C1orf21: variants seen among roughly 807,000 people sequenced by gnomAD.
C1orf21 encodes chromosome 1 open reading frame 21.
C1orf21 carries 3 observed loss-of-function variants against 18.7 expected under a neutral mutation model. The observed-to-expected ratio is 0.16, with a 90% CI of 0.07 to 0.42. The LOEUF (loss-of-function observed/expected upper bound fraction) is 0.42, where lower values mean the gene tolerates loss of function less well. Ranked by LOEUF, C1orf21 falls within the 10% of genes least tolerant of loss-of-function variation. The pLI, the probability that C1orf21 is intolerant of heterozygous loss-of-function variation, is 0.99. For missense variants in C1orf21, 104 were observed against 143.6 expected (o/e 0.72, Z 1.41); for synonymous variants, 41 against 46.4 (o/e 0.88, Z 0.47).
intron 2 of C1orf21, among the ~76,000 whole-genome samples, chr1:184,496,155 G>A (rs560071771): frequency 6.6e-6 from 1 of 152,200 alleles, no homozygotes; most frequent in South Asian, 2.1e-4. Context: ...GTAAGCCAAG[G>A]CCAGGTCTAC....
intron 3 of C1orf21, among the ~76,000 whole-genome samples, chr1:184,525,799 A>T (rs922294424): frequency 6.6e-6 from 1 of 152,210 alleles, no homozygotes; most frequent in African/African-American, 2.4e-5. Context: ...TTTCTGCCAG[A>T]TCAAAAGCCT....
chr1:184,398,198 A>G (rs1656092910), intron 1 of C1orf21, among the ~76,000 whole-genome samples: 1 of 152,204 alleles, frequency 6.6e-6, no homozygotes, highest in Non-Finnish European at 1.5e-5. Context: ...GTACTGAGTG[A>G]TGACTCTGTG....
At chr1:184,545,803 C>T (rs933057070) in intron 3 of C1orf21, 4 of 152,186 alleles carry the variant, frequency 2.6e-5, no homozygotes, top group Non-Finnish European at 5.9e-5. Context: ...TTTTGTCTCA[C>T]TTAGGTTCCC....
intron 1 of C1orf21, among the ~76,000 whole-genome samples, chr1:184,388,641 T>G (rs962927897): frequency 1.3e-5 from 2 of 151,734 alleles, no homozygotes; most frequent in African/African-American, 2.4e-5. Context: ...TTTTTTTTTT[T>G]GTAGGAGACT....
At chr1:184,409,731 G>T (rs948691234) in intron 1 of C1orf21, among the ~76,000 whole-genome samples, 2 of 152,148 alleles carry the variant, frequency 1.3e-5, no homozygotes, top group African/African-American at 2.4e-5. Context: ...TGACTCCAGG[G>T]GCTCTGGGTA....
Position 184,500,898 on chromosome 1 carries a change from C to T in C1orf21, c.95-6690C>T, listed in dbSNP as rs181282339. On this transcript the variant is annotated intron_variant, in intron 2 of 5. Transcript: ENST00000235307. ...ATGTTGCATCTTAAGCCTCATACCC[C>T]CAGCCCCCCGGCAGCTGACCCTTCT... is the stretch of plus-strand genomic sequence containing the variant. 1.5e-3 allele frequency among the ~76,000 whole-genome samples: 233 copies of T among 152,232 alleles called. 1 individual carries two copies. Among genetic ancestry groups the T allele is most frequent in the Middle Eastern group, 6.8e-3 (2 of 294 alleles).
intron 3 of C1orf21, among the ~76,000 whole-genome samples, chr1:184,556,031 C>T (rs1264815768): frequency 6.6e-6 from 1 of 152,024 alleles, no homozygotes; most frequent in Non-Finnish European, 1.5e-5. Context: ...TAAGAAATGT[C>T]CTAATAGGTA....
intron 1 of C1orf21, among the ~76,000 whole-genome samples, chr1:184,403,592 A>G (rs571996973): frequency 6.6e-6 from 1 of 152,364 alleles, no homozygotes; most frequent in East Asian, 1.9e-4. Context: ...ATTAAATTAT[A>G]CATGTATTAT....
At chr1:184,488,951 C>T (rs1047748458) in intron 2 of C1orf21, among the ~76,000 whole-genome samples, 1 of 151,798 alleles carries the variant, frequency 6.6e-6, no homozygotes, top group Non-Finnish European at 1.5e-5. Context: ...GGCGACAGAG[C>T]GAGACTCTGT....
intron 1 of C1orf21, among the ~76,000 whole-genome samples, chr1:184,408,624 C>T (rs1331146526): frequency 6.6e-6 from 1 of 152,110 alleles, no homozygotes; most frequent in Non-Finnish European, 1.5e-5. Context: ...GGGCCTGGAG[C>T]TTTGTTTGCT....
intron 3 of C1orf21, among the ~76,000 whole-genome samples, chr1:184,577,336 G>A (rs183430098): frequency 2.0e-4 from 31 of 151,966 alleles, no homozygotes; most frequent in Admixed American, 1.2e-3. Flanking sequence ...GAGGCGGGTC[G>A]GTGATGTGTA....
At chr1:184,571,236 G>T (rs1659106777) in intron 3 of C1orf21, among the ~76,000 whole-genome samples, 1 of 142,108 alleles carries the variant, frequency 7.0e-6, no homozygotes, top group African/African-American at 2.7e-5. Flanking sequence ...GGCGGAGCTT[G>T]CAGTGAGCCG....
At chr1:184,468,469 AC>A (rs988405361) in intron 1 of C1orf21, among the ~76,000 whole-genome samples, 1 of 152,192 alleles carries the variant, frequency 6.6e-6, no homozygotes, top group African/African-American at 2.4e-5. Context: ...TTTAAGGGAA[AC>A]AGTTTTTCAA....
chr1:184,516,491 A>G (rs1012117868), intron 3 of C1orf21, among the ~76,000 whole-genome samples: 1 of 152,176 alleles, frequency 6.6e-6, no homozygotes, highest in Non-Finnish European at 1.5e-5. Context: ...TGACAAAGAC[A>G]TACCCAATAC....
chr1:184,389,607 C>T (rs1431801796), intron 1 of C1orf21, among the ~76,000 whole-genome samples: 1 of 152,074 alleles, frequency 6.6e-6, no homozygotes, highest in Non-Finnish European at 1.5e-5. Context: ...TTCAAAAATC[C>T]TACTAAGGAG....
At chr1:184,435,687 C>G (rs2101972716) in intron 1 of C1orf21, among the ~76,000 whole-genome samples, 1 of 152,202 alleles carries the variant, frequency 6.6e-6, no homozygotes, top group Admixed American at 6.5e-5. Context: ...GACTGAGCTC[C>G]AAGGCCCTGC....
chr1:184,414,284 A>G (rs1253977253), intron 1 of C1orf21, among the ~76,000 whole-genome samples: 1 of 151,970 alleles, frequency 6.6e-6, no homozygotes, highest in African/African-American at 2.4e-5. Context: ...GCATGCCAAC[A>G]TGCCTGGCTA....
chr1:184,408,999 A>G (rs893217277), intron 1 of C1orf21, among the ~76,000 whole-genome samples: 3 of 152,232 alleles, frequency 2.0e-5, no homozygotes, highest in Non-Finnish European at 2.9e-5. Flanking sequence ...GGATGTCAGC[A>G]TTGGTCCTAG....
chr1:184,511,378 G>A (rs2101965423), intron 3 of C1orf21, among the ~76,000 whole-genome samples: 1 of 152,248 alleles, frequency 6.6e-6, no homozygotes, highest in Non-Finnish European at 1.5e-5. Context: ...GCAGGCATGT[G>A]ACCTAAATTA....
Sources: gnomAD v4.1 joint callset for allele counts (sites outside exome capture counted in the v4.1 genomes callset) on GRCh38, gnomAD v4.1.1 for gene constraint, MANE v1.5 for transcripts, NCBI Gene and HGNC (gene_info 2026-07-23, HGNC 2026-07-21) for gene names.